Variants in FAM174B observed in about 807,000 individuals in gnomAD.
FAM174B encodes the protein membrane protein FAM174B.
FAM174B carries 12 observed loss-of-function variants against 10.9 expected under a neutral mutation model. That is an observed-to-expected ratio of 1.10 (90% confidence interval 0.71 to 1.79). The LOEUF (loss-of-function observed/expected upper bound fraction) is 1.79, where lower values mean the gene tolerates loss of function less well. FAM174B is among the 40% of genes most tolerant of loss of function. The pLI is 0.00. For synonymous variants in FAM174B, 132 were observed against 115.8 expected (o/e 1.14, Z -0.90); for missense variants, 266 against 233.3 (o/e 1.14, Z -0.91).
chr15:92,631,392 ATATTATAT>A (rs2050813116), intron 1 of FAM174B, among the ~76,000 whole-genome samples: 1 of 31,476 alleles, frequency 3.2e-5, no homozygotes, highest in South Asian at 7.7e-4. Context: ...TATATATTAT[ATATTATAT>A]TATATTATAT....
At chr15:92,623,292 G>A (rs571508615) in intron 2 of FAM174B, among the ~76,000 whole-genome samples, 1 of 152,226 alleles carries the variant, frequency 6.6e-6, no homozygotes, top group African/African-American at 2.4e-5. Flanking sequence ...CTAGACATGT[G>A]CTAGGTGACA....
At position 92,630,708 on chromosome 15, in the gene FAM174B, AAT is replaced by A. The variant is rs1454394434; in HGVS notation, c.345-365_345-364del. Among the ~76,000 whole-genome samples the A allele has an allele frequency of 3.1e-4, 41 of 134,374 alleles. 2 individuals carry two copies. The highest frequency in any genetic ancestry group is 1.2e-3 in the African/African-American group (39 of 32,428). 88.2% of individuals were successfully genotyped at this position (134,374 alleles called of 152,430 possible). A position where few individuals can be genotyped will look rare whatever the true frequency, so the allele number is the denominator to read the frequency against. On this transcript the variant is annotated intron_variant, in intron 1 of 2. Transcript: ENST00000327355. ...TATATATTTTATATATATATTATAT[AAT>A]TATATATTTTTTATATTATATAATT...
intron 1 of FAM174B, among the ~76,000 whole-genome samples, chr15:92,654,799 AAAG>A (rs528819022): frequency 0.024 from 3,536 of 146,878 alleles, 58 homozygotes; most frequent in African/African-American, 0.054. Flanking sequence ...AAAAAAAAAA[AAAG>A]AAGAAGAAGA....
At chr15:92,630,679 G>A (rs2141953207) in intron 1 of FAM174B, among the ~76,000 whole-genome samples, 1 of 140,892 alleles carries the variant, frequency 7.1e-6, no homozygotes, top group South Asian at 2.2e-4. Flanking sequence ...ATACACAAAT[G>A]CAATATATAT....
chr15:92,633,508 C>T (rs1449241227), intron 1 of FAM174B, among the ~76,000 whole-genome samples: 1 of 152,162 alleles, frequency 6.6e-6, no homozygotes, highest in African/African-American at 2.4e-5. Flanking sequence ...TGATGATACC[C>T]AAGCCTTATC....
intron 2 of FAM174B, among the ~76,000 whole-genome samples, chr15:92,624,874 C>G (rs761474152): frequency 6.6e-6 from 1 of 152,148 alleles, no homozygotes; most frequent in Non-Finnish European, 1.5e-5. Context: ...GCCACACACA[C>G]GGGAGGAAAA....
chr15:92,624,619 C>A (rs1206084436), intron 2 of FAM174B, among the ~76,000 whole-genome samples: 1 of 152,260 alleles, frequency 6.6e-6, no homozygotes, highest in Non-Finnish European at 1.5e-5. Flanking sequence ...CCAAAGCCCG[C>A]AGCATTACAG....
At chr15:92,629,970 C>A (rs1296253202) in intron 2 of FAM174B, among the ~76,000 whole-genome samples, 1 of 152,184 alleles carries the variant, frequency 6.6e-6, no homozygotes. Context: ...GAGGCCTCTG[C>A]AGCCATGTGG....
chr15:92,631,425 A>AT (rs2050815344), intron 1 of FAM174B, among the ~76,000 whole-genome samples: 1 of 59,398 alleles, frequency 1.7e-5, no homozygotes, highest in Admixed American at 2.9e-4. Flanking sequence ...TATATAATAT[A>AT]TAATATAATA....
intron 2 of FAM174B, among the ~76,000 whole-genome samples, chr15:92,626,774 C>G (rs533641651): frequency 3.3e-5 from 5 of 152,092 alleles, no homozygotes; most frequent in Admixed American, 2.6e-4. Flanking sequence ...AAGTGCTGGC[C>G]GGGCGCCATG....
At chr15:92,640,447 G>C (rs2050883116) in intron 1 of FAM174B, among the ~76,000 whole-genome samples, 1 of 144,998 alleles carries the variant, frequency 6.9e-6, no homozygotes, top group African/African-American at 2.5e-5. Context: ...AGCTATTCGG[G>C]AGGCTGAGGC....
intron 2 of FAM174B, among the ~76,000 whole-genome samples, chr15:92,624,904 T>G (rs1343816778): frequency 6.6e-6 from 1 of 152,180 alleles, no homozygotes; most frequent in Non-Finnish European, 1.5e-5. Context: ...TGTCTCTTCC[T>G]GGAGGACGCC....
At chr15:92,631,591 T>C (rs181436815) in intron 1 of FAM174B, among the ~76,000 whole-genome samples, 1,840 of 139,408 alleles carry the variant, frequency 0.013, 46 homozygotes, top group African/African-American at 0.047. Flanking sequence ...GCCTCCCGGG[T>C]TCACACCATT....
At chr15:92,647,033 A>T (rs1277069589) in intron 1 of FAM174B, among the ~76,000 whole-genome samples, 1 of 152,218 alleles carries the variant, frequency 6.6e-6, no homozygotes, top group African/African-American at 2.4e-5. Context: ...ATCTCTTTAA[A>T]TATTTTACAG....
rs1029854157 is a variant in FAM174B at position 92,630,307 on chromosome 15, A to G, written c.383T>C (p.Ile128Thr). ...KRLKKTRKYD[I>T]ITTPAERVEM... ...CACTCGCTCTGCTGGAGTGGTGATGATATCATACTTGCGTGTCTTCTTTAA... is the reference window on the plus strand; with the variant it reads ...CACTCGCTCTGCTGGAGTGGTGATGGTATCATACTTGCGTGTCTTCTTTAA... Residue 128 changes from isoleucine to threonine, a missense_variant, in exon 2 of 3, where the codon ATC becomes ACC. Transcript: ENST00000327355. The G allele has an allele frequency of 7.4e-6, 12 of 1,613,530 alleles. No individual in the cohort carries two copies. The highest frequency in any genetic ancestry group is 4.5e-5 in the East Asian group (2 of 44,888).
At chr15:92,647,478 A>G (rs2050936264) in intron 1 of FAM174B, among the ~76,000 whole-genome samples, 1 of 152,260 alleles carries the variant, frequency 6.6e-6, no homozygotes, top group African/African-American at 2.4e-5. Flanking sequence ...AGACCTGGCC[A>G]AGAGGACCCC....
chr15:92,626,118 T>C (rs2050750685), intron 2 of FAM174B, among the ~76,000 whole-genome samples: 1 of 30,760 alleles, frequency 3.3e-5, no homozygotes, highest in African/African-American at 1.8e-4. Flanking sequence ...TGCTGGATTT[T>C]TTTTTTTTTT....
chr15:92,626,208 C>T (rs187099513), intron 2 of FAM174B, among the ~76,000 whole-genome samples: 1 of 150,546 alleles, frequency 6.6e-6, no homozygotes, highest in Non-Finnish European at 1.5e-5. Flanking sequence ...GCGCCATTCT[C>T]CTGCCTCAGC....
At chr15:92,648,344 T>A (rs1195631335) in intron 1 of FAM174B, among the ~76,000 whole-genome samples, 1 of 152,226 alleles carries the variant, frequency 6.6e-6, no homozygotes, top group Non-Finnish European at 1.5e-5. Context: ...TAGATTGAGC[T>A]GGATGGTCCT....
Sources: gnomAD v4.1 joint callset for allele counts (sites outside exome capture counted in the v4.1 genomes callset) on GRCh38, gnomAD v4.1.1 for gene constraint, MANE v1.5 for transcripts, NCBI Gene and HGNC (gene_info 2026-07-23, HGNC 2026-07-21) for gene names.